Variants in AMPD2 observed in about 807,000 individuals in gnomAD.
AMPD2 encodes adenosine monophosphate deaminase 2, also known as AMP deaminase 2.
A neutral mutation model predicts 91.3 loss-of-function variants in AMPD2; 52 were observed. The observed-to-expected ratio is 0.57, with a 90% CI of 0.46 to 0.72. The LOEUF (loss-of-function observed/expected upper bound fraction) is 0.72, where lower values mean the gene tolerates loss of function less well. AMPD2 is among the 30% of genes least tolerant of loss of function. AMPD2 has a pLI of 0.00. For synonymous variants in AMPD2, 455 were observed against 456.4 expected, an observed-to-expected ratio of 1.00 and a Z score of 0.04; for missense variants, 822 against 1,122.3, an observed-to-expected ratio of 0.73 and a Z score of 3.82.
At position 109,625,482 on chromosome 1, in the gene AMPD2, C is replaced by A; in HGVS notation, c.222+49C>A. 6.2e-7 allele frequency: 1 copy of A among 1,611,576 alleles called. No homozygotes were observed. Among genetic ancestry groups the A allele is most frequent in the Non-Finnish European group, 8.5e-7 (1 of 1,178,500 alleles). On this transcript the variant is annotated intron_variant, in intron 3 of 18. Transcript: ENST00000528667. The surrounding 1 kb of genome is among the most constrained non-coding windows in gnomAD (Gnocchi z 4.0). ...CCTCACCCCGTGTCTCCATGCCCTG[C>A]CTCTGCTCCCCACACCCCTCACCTC...
chr1:109,629,777 CTG>C lies in AMPD2; in HGVS notation c.1863-17_1863-16del. The C allele has an allele frequency of 6.4e-7, 1 of 1,570,334 alleles. No individual in the cohort carries two copies. The highest frequency in any genetic ancestry group is 8.7e-7 in the Non-Finnish European group (1 of 1,154,696). ...GTGATCCCAGGCTCAGGAGCTGACA[CTG>C]TCTTCATGTCCCCCAGGCAGAGGGG... On this transcript the variant is annotated splice_polypyrimidine_tract_variant and intron_variant, in intron 15 of 18. Transcript: ENST00000528667.
intron 15 of AMPD2, 52 bp downstream of exon 15, chr1:109,629,542 C>T (rs776098952): frequency 1.9e-6 from 3 of 1,598,336 alleles, no homozygotes; most frequent in Non-Finnish European, 2.6e-6. Flanking sequence ...GCCCAACAAA[C>T]CTCACTCTTG....
intron 15 of AMPD2, 59 bp from the exon 16 acceptor site, chr1:109,629,736 GC>G: frequency 6.5e-7 from 1 of 1,537,494 alleles, no homozygotes; most frequent in Non-Finnish European, 8.8e-7. Flanking sequence ...GGGGTCAGGG[GC>G]TCCGGTGAGC....
chr1:109,630,982 G>T lies in AMPD2; in HGVS notation c.2308G>T (p.Gly770Cys). ...HWLGPNYTKE[G>C]PEGNDIRRTN... ...GCTGGGACCCAACTATACCAAGGAA[G>T]GCCCTGAGGGGAATGACATCCGCCG... Residue 770 changes from glycine to cysteine, a missense_variant, in exon 19 of 19, where the codon GGC becomes TGC. Physicochemically the swap from Gly to Cys is radical, Grantham distance 159 (BLOSUM62 -3). Transcript: ENST00000528667. 1.2e-6 allele frequency: 2 copies of T among 1,614,182 alleles called. No individual in the cohort carries two copies. The highest frequency in any genetic ancestry group is 1.7e-6 in the Non-Finnish European group (2 of 1,180,036).
Position 109,627,156 on chromosome 1 carries a change from A to G in AMPD2, c.719-19A>G, listed in dbSNP as rs373189820. 4 of 1,611,248 alleles carry G rather than the reference A, an allele frequency of 2.5e-6. No homozygotes were observed. The highest frequency in any genetic ancestry group is 3.4e-6 in the Non-Finnish European group (4 of 1,179,492). Reference sequence around the variant, plus strand: ...CTTGGAAGAGCCCTGCTCTGACTTTACCCTCCTCACCCCTGCAGATGCCCC... The same window carrying G: ...CTTGGAAGAGCCCTGCTCTGACTTTGCCCTCCTCACCCCTGCAGATGCCCC... On this transcript the variant is annotated intron_variant, in intron 7 of 18. Transcript: ENST00000528667.
intron 2 of AMPD2, among the ~76,000 whole-genome samples, chr1:109,623,254 A>C (rs779177807): frequency 2.8e-4 from 43 of 152,170 alleles, no homozygotes; most frequent in Non-Finnish European, 6.2e-4. Flanking sequence ...GGAAGGGACC[A>C]CTTATCGCCC....
rs1239364202 is a variant in AMPD2, at chr1:109,626,916, G to C, written c.718+4G>C. ...CCCGACACCCCTGTGTCTGCTGGTG[G>C]GACTCCCCATCTCTGCCCCATGCCA... On this transcript the variant is annotated splice_donor_region_variant and intron_variant, in intron 7 of 18. Coordinates refer to ENST00000528667, the MANE Select transcript of AMPD2 (RefSeq NM_001368809.2). The C allele has an allele frequency of 1.2e-6, 2 of 1,610,712 alleles. No individual in the cohort carries two copies. The highest frequency in any genetic ancestry group is 1.3e-5 in the African/African-American group (1 of 74,858).
chr1:109,621,958 T>C (rs1342891305), intron 2 of AMPD2, among the ~76,000 whole-genome samples: 1 of 152,228 alleles, frequency 6.6e-6, no homozygotes, highest in Non-Finnish European at 1.5e-5. Context: ...TCTGCATCAT[T>C]TGGAGCAGGC....
Position 109,627,809 on chromosome 1 carries a change from G to A in AMPD2, c.986G>A (p.Ser329Asn). The change falls in exon 10 of 19, where the codon AGC becomes AAC. Residue 329 changes from serine (S) to asparagine (N), a missense_variant. By Grantham distance (46) the Ser-to-Asn change is conservative. Transcript: ENST00000528667. ...TGCTACCGCCGGCTGCAGTACCTGA[G>A]CTCCAAGTTCCAGATGCATGTGCTA... is the stretch of plus-strand genomic sequence containing the variant. ...SFCYRRLQYL[S>N]SKFQMHVLLN... 6.2e-7 allele frequency: 1 copy of A among 1,614,076 alleles called. No individual in the cohort carries two copies. The highest frequency in any genetic ancestry group is 8.5e-7 in the Non-Finnish European group (1 of 1,180,018).
intron 7 of AMPD2, 45 bp from the exon 8 acceptor site, chr1:109,627,130 G>A (rs753083535): frequency 1.9e-6 from 3 of 1,609,444 alleles, no homozygotes; most frequent in East Asian, 2.2e-5. Flanking sequence ...GCAGTGGGTG[G>A]CTTGGAAGAG....
Position 109,630,589 on chromosome 1 carries a change from G to T in AMPD2, c.2158-94G>T. 4.4e-6 allele frequency: 4 copies of T among 909,622 alleles called. No individual in the cohort carries two copies. In the South Asian group the frequency reaches 6.4e-5, roughly 14 times the overall value. The allele number at this position is 909,622 out of a possible 1,614,324, so 56.3% of individuals were successfully genotyped here. A position where few individuals can be genotyped will look rare whatever the true frequency, so the allele number is the denominator to read the frequency against. ...GGTTGGGGGGTTGGGGGGATGGGGG[G>T]GCGGGGGTGGGGAGAGTGAGTGAGG... On this transcript the variant is annotated intron_variant, in intron 17 of 18. Transcript: ENST00000528667.
chr1:109,629,505 CTG>C lies in AMPD2; in HGVS notation c.1862+19_1862+20del. 3 of 1,610,350 alleles carry C rather than the reference CTG, an allele frequency of 1.9e-6. No homozygotes were observed. Among genetic ancestry groups the C allele is most frequent in the Non-Finnish European group, 2.5e-6 (3 of 1,177,746 alleles). On this transcript the variant is annotated intron_variant, in intron 15 of 18. Transcript: ENST00000528667. ...CACCTGCGCAGGTGCCTGCACCACC[CTG>C]TGTCTGCTTGCTATGCCATCTCTCG...
Position 109,629,723 on chromosome 1 carries a change from G to GT in AMPD2, c.1863-72dup, listed in dbSNP as rs1234732723. On this transcript the variant is annotated intron_variant, in intron 15 of 18. Coordinates refer to ENST00000528667, the MANE Select transcript of AMPD2 (RefSeq NM_001368809.2). ...TGGCTGGAGGACATATGCGTGCTGG[G>GT]TGGGGGTCAGGGGCTCCGGTGAGCC... The GT allele has an allele frequency of 1.5e-5, 19 of 1,309,514 alleles. 1 individual carries two copies. Among genetic ancestry groups the GT allele is most frequent in the African/African-American group, 5.4e-5 (2 of 37,228 alleles). The allele number at this position is 1,309,514 out of a possible 1,614,324, so 81.1% of individuals were successfully genotyped here.
chr1:109,621,102 G>T lies in AMPD2; in HGVS notation c.-74G>T. ...CCGCTGGGGGCGGGGCGGAGGAAGGGGTTGGATGTGGCAGAGCCAGGCCCC... is the reference window on the plus strand; with the variant it reads ...CCGCTGGGGGCGGGGCGGAGGAAGGTGTTGGATGTGGCAGAGCCAGGCCCC... On this transcript the variant is annotated 5_prime_UTR_variant, in exon 2 of 19. Coordinates refer to ENST00000528667, the MANE Select transcript of AMPD2 (RefSeq NM_001368809.2). 6.2e-7 allele frequency: 1 copy of T among 1,605,684 alleles called. No individual in the cohort carries two copies. The highest frequency in any genetic ancestry group is 8.5e-7 in the Non-Finnish European group (1 of 1,176,566).
At chr1:109,620,440 CAG>C (rs1208360857) in intron 1 of AMPD2, 162 bp downstream of exon 1, 2 of 824,046 alleles carry the variant, frequency 2.4e-6, no homozygotes, top group Non-Finnish European at 2.9e-6. Flanking sequence ...TGTGCAGAGA[CAG>C]AGGAAAAATC....
rs779949627 is a variant in AMPD2, at chr1:109,621,209, A to G, written c.34A>G (p.Lys12Glu). ...CTATCCATCTGGCTCTGGCAAGCCC[A>G]AGGCCAAATATCCCTTTAAGAAGCG... is the stretch of plus-strand genomic sequence containing the variant. ...ASYPSGSGKPKAKYPFKKRAS... is the reference protein window; with the variant it reads ...ASYPSGSGKPEAKYPFKKRAS... The change falls in exon 2 of 19, where the codon AAG (lysine) becomes GAG (glutamate). Residue 12 changes from lysine to glutamate, a missense_variant. Coordinates refer to ENST00000528667, the MANE Select transcript of AMPD2 (RefSeq NM_001368809.2). The G allele has an allele frequency of 6.2e-7, 1 of 1,610,850 alleles. No homozygotes were observed. Among genetic ancestry groups the G allele is most frequent in the Non-Finnish European group, 8.5e-7 (1 of 1,178,648 alleles).
At position 109,627,996 on chromosome 1, in the gene AMPD2, G is replaced by A. The variant is rs1452391371; in HGVS notation, c.1081-87G>A. ...GGCCAGGCCCCCCACACAGCATCCA[G>A]TACAGAGGGTCCTTTCCCATTGCAC... On this transcript the variant is annotated intron_variant, in intron 10 of 18. Transcript: ENST00000528667. The A allele has an allele frequency of 4.4e-6, 7 of 1,599,786 alleles. No homozygotes were observed. In the East Asian group the frequency reaches 1.6e-4, roughly 36 times the overall value.
chr1:109,624,105 G>T lies in AMPD2; in HGVS notation c.92-1198G>T. ...CACTCTGCAGGTAGGGTTCAGGCAG[G>T]GGCCGGGGTGCGCAGGGGACGGGGT... On this transcript the variant is annotated intron_variant, in intron 2 of 18. Coordinates refer to ENST00000528667, the MANE Select transcript of AMPD2 (RefSeq NM_001368809.2). The surrounding 1 kb of genome is among the most constrained non-coding windows in gnomAD (Gnocchi z 5.2). 1.0e-6 allele frequency: 1 copy of T among 984,792 alleles called. No individual in the cohort carries two copies. Among genetic ancestry groups the T allele is most frequent in the Non-Finnish European group, 1.2e-6 (1 of 829,306 alleles). 61.0% of individuals were successfully genotyped at this position (984,792 alleles called of 1,614,324 possible).
In AMPD2 at chr1:109,624,005, C is replaced by T; in HGVS notation, c.92-1298C>T. 1.0e-6 allele frequency: 1 copy of T among 985,714 alleles called. No homozygotes were observed. The highest frequency in any genetic ancestry group is 4.7e-5 in the South Asian group (1 of 21,290). 61.1% of individuals were successfully genotyped at this position (985,714 alleles called of 1,614,324 possible). ...TGCACTTGGTACAGCCTGTGCCAGC[C>T]CCTGAGGGACCGGCTGCAGCTTCAC... On this transcript the variant is annotated intron_variant, in intron 2 of 18. Transcript: ENST00000528667. The surrounding 1 kb of genome is among the most constrained non-coding windows in gnomAD (Gnocchi z 5.2).
Sources: allele counts gnomAD v4.1 joint callset (sites outside exome capture counted in the v4.1 genomes callset), GRCh38; gene constraint gnomAD v4.1.1; non-coding constraint Gnocchi (gnomAD v3.1); transcripts MANE v1.5; gene names NCBI Gene and HGNC (gene_info 2026-07-23, HGNC 2026-07-21).